RBBP8NL: variants seen among roughly 807,000 people sequenced by gnomAD.
RBBP8NL encodes the protein RBBP8 N-terminal like, also known as RBBP8 N-terminal-like protein.
A neutral mutation model predicts 62.2 loss-of-function variants in RBBP8NL; 59 were observed. That is an observed-to-expected ratio of 0.95 (90% CI 0.77 to 1.18). The LOEUF (loss-of-function observed/expected upper bound fraction) is 1.18. Among genes scored for constraint, RBBP8NL ranks in the 50% most tolerant of loss-of-function variants. The pLI is 0.00. For synonymous variants in RBBP8NL, 412 were observed against 394.1 expected, an observed-to-expected ratio of 1.05 and a Z score of -0.54; for missense variants, 896 against 899.5, an observed-to-expected ratio of 1.00 and a Z score of 0.05.
At chr20:62,416,114 G>A (rs188656076) in intron 6 of RBBP8NL, 50 bp downstream of exon 6, 12 of 1,557,068 alleles carry the variant, frequency 7.7e-6, no homozygotes, top group African/African-American at 1.4e-5. Flanking sequence ...TGCTGCTCGG[G>A]GGGTGCTGGG....
rs1457645092 is a variant in RBBP8NL, at chr20:62,415,635, A to G, written c.570T>C (p.Ser190=). The G allele has an allele frequency of 1.2e-6, 2 of 1,612,718 alleles. No individual in the cohort carries two copies. Among genetic ancestry groups the G allele is most frequent in the Admixed American group, 3.3e-5 (2 of 59,998 alleles). Residue 190 remains serine (S), a synonymous_variant, in exon 8 of 14, where the codon TCT becomes TCC. Transcript: ENST00000252998. ...CCCCTGGGGAGATTTTGGCCACTGG[A>G]GATGTCCTGTGCCCTGCTGGCTTTT... is the stretch of plus-strand genomic sequence containing the variant. The part of the protein sequence containing the change: ...GEEKPAGHRT[S]PVAKISPGAT...
At chr20:62,423,873 C>T (rs756513846) in intron 1 of RBBP8NL, among the ~76,000 whole-genome samples, 2 of 152,182 alleles carry the variant, frequency 1.3e-5, no homozygotes, top group Non-Finnish European at 2.9e-5. Flanking sequence ...GACCCGCACC[C>T]GCAGCCTTGA....
In RBBP8NL at chr20:62,416,617, G is replaced by A. The variant is rs1170908977; in HGVS notation, c.313+143C>T. 2.5e-5 allele frequency: 16 copies of A among 633,094 alleles called. No homozygotes were observed. The East Asian group carries it at 3.8e-4, about 15-fold the overall frequency. The allele number at this position is 633,094 out of a possible 1,614,324, so 39.2% of individuals were successfully genotyped here. On this transcript the variant is annotated intron_variant, in intron 5 of 13. Transcript: ENST00000252998. ...GGCTGGGGGCTTTGTGTGTTTGTCT[G>A]TAGATTGGGTTGTGAGGTTCCCCCA...
At chr20:62,413,369 A>G in intron 11 of RBBP8NL, 32 bp downstream of exon 11, 1 of 1,393,636 alleles carries the variant, frequency 7.2e-7, no homozygotes, top group South Asian at 1.9e-5. Context: ...AACACCTCCC[A>G]GCTGGACTCT....
Position 62,425,546 on chromosome 20 carries a change from A to G in RBBP8NL, c.-84+1914T>C, listed in dbSNP as rs868413528. 2.6e-5 allele frequency among the ~76,000 whole-genome samples: 4 copies of G among 152,338 alleles called. No individual in the cohort carries two copies. The South Asian group carries it at 8.3e-4, about 32-fold the overall frequency. On this transcript the variant is annotated intron_variant, in intron 1 of 13. Transcript: ENST00000252998. ...TGGACATTGTCCGGCCGAGTGCCAA[A>G]ACCCACAGTGATGCCTGTTCTTACC...
At chr20:62,426,200 T>C (rs2146448458) in intron 1 of RBBP8NL, among the ~76,000 whole-genome samples, 1 of 152,228 alleles carries the variant, frequency 6.6e-6, no homozygotes, top group Non-Finnish European at 1.5e-5. Context: ...GCAGTGGCAG[T>C]GGCATTAGCA....
intron 10 of RBBP8NL, 83 bp downstream of exon 10, chr20:62,413,738 G>A (rs1988489024): frequency 3.4e-6 from 5 of 1,478,878 alleles, no homozygotes; most frequent in African/African-American, 1.4e-5. Flanking sequence ...GAAAAGAGCA[G>A]CCCGAGGTCT....
chr20:62,414,603 A>G (rs1276030631), intron 9 of RBBP8NL, 47 bp from the exon 10 acceptor site: 9 of 1,383,788 alleles, frequency 6.5e-6, no homozygotes, highest in Non-Finnish European at 8.5e-6. Context: ...TGGAGCCGTG[A>G]CCGTCCCAGC....
intron 11 of RBBP8NL, 32 bp downstream of exon 11, chr20:62,413,369 A>C: frequency 5.7e-6 from 8 of 1,393,636 alleles, no homozygotes; most frequent in Non-Finnish European, 7.4e-6. Context: ...AACACCTCCC[A>C]GCTGGACTCT....
chr20:62,410,833 G>T lies in RBBP8NL; in HGVS notation c.*45C>A. On this transcript the variant is annotated 3_prime_UTR_variant, in exon 14 of 14. Coordinates refer to ENST00000252998, the MANE Select transcript of RBBP8NL (RefSeq NM_080833.3). ...GCCCTCTCCAGGCCCTGGTGGGCAG[G>T]TGGAGGGCTGCCCCGGGCTCGCTGT... The T allele has an allele frequency of 1.5e-6, 2 of 1,360,486 alleles. No individual in the cohort carries two copies. Among genetic ancestry groups the T allele is most frequent in the African/African-American group, 1.4e-5 (1 of 70,266 alleles). 84.3% of individuals were successfully genotyped at this position (1,360,486 alleles called of 1,614,324 possible). A position where few individuals can be genotyped will look rare whatever the true frequency, so the allele number is the denominator to read the frequency against.
chr20:62,417,241 C>A lies in RBBP8NL; in HGVS notation c.183G>T (p.Leu61=). The change falls in exon 4 of 14, where the codon CTG becomes CTT. Residue 61 remains leucine, a synonymous_variant. Transcript: ENST00000252998. ...AGGCCCACCTGTTCTCCAGCACCCGCAGGTTCTCCTTCAGTGTCTTCTGCT... is the reference window on the plus strand; with the variant it reads ...AGGCCCACCTGTTCTCCAGCACCCGAAGGTTCTCCTTCAGTGTCTTCTGCT... ...REQQKTLKEN[L]RVLENRLRAG... 1 of 1,604,786 alleles carries A rather than the reference C, an allele frequency of 6.2e-7. No homozygotes were observed. Among genetic ancestry groups the A allele is most frequent in the Non-Finnish European group, 8.5e-7 (1 of 1,175,704 alleles).
chr20:62,412,725 G>C lies in RBBP8NL; in HGVS notation c.1775C>G (p.Thr592Ser). 1 of 1,611,580 alleles carries C rather than the reference G, an allele frequency of 6.2e-7. No homozygotes were observed. Among genetic ancestry groups the C allele is most frequent in the Non-Finnish European group, 8.5e-7 (1 of 1,179,958 alleles). ...AGGCCCCTCCCCGGTCGTGCTCGTA[G>C]TGGCCTCCGCCTGGGAGCTCAGGCC... ...EVGLSSQAEA[T>S]TSTTGEGPEC... The change falls in exon 13 of 14, where the codon ACT becomes AGT. Residue 592 changes from threonine to serine, a missense_variant. Thr to Ser is a moderately conservative substitution (Grantham distance 58). Transcript: ENST00000252998.
Position 62,414,214 on chromosome 20 carries a change from G to T in RBBP8NL, c.1137C>A (p.Pro379=). 1 of 1,606,482 alleles carries T rather than the reference G, an allele frequency of 6.2e-7. No individual in the cohort carries two copies. ...GGGAGGGCAGCATCTCCCCGGGTGT[G>T]GGCTGGCCCCTTGGCCTGACACTGC... The part of the protein sequence containing the change: ...RAGSVRPRGQ[P]TPGEMLPSLP... Residue 379 remains proline (P), a synonymous_variant, in exon 10 of 14, where the codon CCC becomes CCA. Coordinates refer to ENST00000252998, the MANE Select transcript of RBBP8NL (RefSeq NM_080833.3).
In RBBP8NL at chr20:62,412,880, G is replaced by A. The variant is rs576582585; in HGVS notation, c.1696C>T (p.Leu566=). 125 of 1,613,296 alleles carry A rather than the reference G, an allele frequency of 7.7e-5. No homozygotes were observed. The highest frequency in any genetic ancestry group is 3.6e-4 in the South Asian group (33 of 91,092). ...TCCAGTTCGTCGGACTCTGGTCTCA[G>A]CACTTCAGCCTTGCTGGGCTCTGAA... ...GHPEPSKAEV[L]RPESDELDET... is the part of the protein sequence containing the mutation. The change falls in exon 12 of 14, where the codon CTG becomes TTG. Residue 566 remains leucine (L), a synonymous_variant. Transcript: ENST00000252998.
intron 13 of RBBP8NL, 25 bp from the exon 14 acceptor site, chr20:62,411,021 G>T: frequency 1.3e-6 from 2 of 1,508,258 alleles, no homozygotes; most frequent in Non-Finnish European, 1.8e-6. Flanking sequence ...CGGAGGTCAG[G>T]CCGGAGCTGT....
In RBBP8NL at chr20:62,426,102, G is replaced by A. The variant is rs375180787; in HGVS notation, c.-84+1358C>T. Among the ~76,000 whole-genome samples the A allele has an allele frequency of 2.8e-3, 421 of 151,642 alleles. 2 individuals are homozygous for A. Among genetic ancestry groups the A allele is most frequent in the Middle Eastern group, 0.024 (7 of 294 alleles). ...TGGCAGTGGAAGTAGCAGCGGCAGC[G>A]GCAGTGGCAGTGGCATTAGCAGTGG... On this transcript the variant is annotated intron_variant, in intron 1 of 13. Coordinates refer to ENST00000252998, the MANE Select transcript of RBBP8NL (RefSeq NM_080833.3).
At chr20:62,416,060 C>T (rs6121580) in intron 6 of RBBP8NL, 104 bp downstream of exon 6, 1 of 1,470,840 alleles carries the variant, frequency 6.8e-7, no homozygotes. Context: ...CCGACACTGC[C>T]TGAGAGTCCT....
chr20:62,425,537 G>A lies in RBBP8NL; in HGVS notation c.-84+1923C>T, dbSNP rs541657536. Reference sequence around the variant, plus strand: ...TGGCAGGACTGGACATTGTCCGGCCGAGTGCCAAAACCCACAGTGATGCCT... The same window carrying A: ...TGGCAGGACTGGACATTGTCCGGCCAAGTGCCAAAACCCACAGTGATGCCT... On this transcript the variant is annotated intron_variant, in intron 1 of 13. Transcript: ENST00000252998. 8.4e-4 allele frequency among the ~76,000 whole-genome samples: 128 copies of A among 152,340 alleles called. 1 individual carries two copies. The highest frequency in any genetic ancestry group is 5.9e-5 in the Non-Finnish European group (4 of 68,016).
chr20:62,426,120 AGCAGTG>A lies in RBBP8NL; in HGVS notation c.-84+1334_-84+1339del, dbSNP rs531461541. 1.2e-3 allele frequency among the ~76,000 whole-genome samples: 180 copies of A among 151,918 alleles called. 1 individual carries two copies. The highest frequency in any genetic ancestry group is 3.9e-3 in the African/African-American group (160 of 41,382). ...CGGCAGCGGCAGTGGCAGTGGCATT[AGCAGTG>A]GCAGTGGCAGTGGTAGCAGTAGCAG... On this transcript the variant is annotated intron_variant, in intron 1 of 13. Coordinates refer to ENST00000252998, the MANE Select transcript of RBBP8NL (RefSeq NM_080833.3).
Sources: allele counts gnomAD v4.1 joint callset (sites outside exome capture counted in the v4.1 genomes callset), GRCh38; gene constraint gnomAD v4.1.1; transcripts MANE v1.5; gene names NCBI Gene and HGNC (gene_info 2026-07-23, HGNC 2026-07-21).